SLC44A5: variants seen among roughly 807,000 people sequenced by gnomAD.
SLC44A5 encodes the protein solute carrier family 44 member 5.
SLC44A5 carries 57 observed loss-of-function variants against 101.8 expected under a neutral mutation model. That is an observed-to-expected ratio of 0.56 (90% confidence interval 0.45 to 0.70). The LOEUF is 0.70. Ranked by LOEUF, SLC44A5 falls within the 30% of genes least tolerant of loss-of-function variation. The pLI is 0.00. For synonymous variants in SLC44A5, 281 were observed against 290.9 expected (o/e 0.97, Z 0.35); for missense variants, 737 against 853.1 (o/e 0.86, Z 1.70).
At chr1:75,492,643 T>C (rs1429547793) in intron 2 of SLC44A5, among the ~76,000 whole-genome samples, 1 of 152,078 alleles carries the variant, frequency 6.6e-6, no homozygotes, top group African/African-American at 2.4e-5. Flanking sequence ...TACACATAGA[T>C]AAGACTAAGG....
At chr1:75,263,532 G>A (rs1359399067) in intron 6 of SLC44A5, among the ~76,000 whole-genome samples, 1 of 152,190 alleles carries the variant, frequency 6.6e-6, no homozygotes, top group East Asian at 1.9e-4. Flanking sequence ...ACTGTTGGTA[G>A]GAGTGTAAAT....
chr1:75,326,823 G>C (rs566186266), intron 4 of SLC44A5, among the ~76,000 whole-genome samples: 1 of 151,974 alleles, frequency 6.6e-6, no homozygotes, highest in African/African-American at 2.4e-5. Context: ...TGCAACTTTA[G>C]CTCCAAAATC....
intron 2 of SLC44A5, among the ~76,000 whole-genome samples, chr1:75,506,337 CCTTTTTGGTT>C (rs1339893679): frequency 6.6e-6 from 1 of 152,068 alleles, no homozygotes; most frequent in East Asian, 1.9e-4. Flanking sequence ...TATTCAGGTT[CCTTTTTGGTT>C]CTATGTGAAC....
rs570246786 is a variant in SLC44A5, at chr1:75,371,176, T to A, written c.52+25407A>T. Among the ~76,000 whole-genome samples, 34 of 152,316 alleles carry A rather than the reference T, an allele frequency of 2.2e-4. 1 individual carries two copies. Among genetic ancestry groups the A allele is most frequent in the African/African-American group, 7.9e-4 (33 of 41,570 alleles). Reference sequence around the variant, plus strand: ...GGATGTGTCAATGGGAAATTATACATTCACCCCATTTGCGAAGGCAGGGAA... The same window carrying A: ...GGATGTGTCAATGGGAAATTATACAATCACCCCATTTGCGAAGGCAGGGAA... On this transcript the variant is annotated intron_variant, in intron 3 of 23. Transcript: ENST00000370859.
intron 4 of SLC44A5, among the ~76,000 whole-genome samples, chr1:75,302,781 CTGACAAGCAAGA>C (rs1654597383): frequency 6.6e-6 from 1 of 152,118 alleles, no homozygotes; most frequent in Non-Finnish European, 1.5e-5. Context: ...GACAGTTGAT[CTGACAAGCAAGA>C]TGGCTAGCAA....
At chr1:75,625,437 C>A in the SLC44A5 span, among the ~76,000 whole-genome samples, 4 of 152,036 alleles carry the variant, frequency 2.6e-5, no homozygotes, top group Non-Finnish European at 5.9e-5. Context: ...GTAACAAATG[C>A]CACTAATTCA....
chr1:75,705,046 C>A, the SLC44A5 span, among the ~76,000 whole-genome samples: 1 of 152,268 alleles, frequency 6.6e-6, no homozygotes, highest in Non-Finnish European at 1.5e-5. Flanking sequence ...CTGAGATAAT[C>A]ATATGTCCCC....
At chr1:75,558,439 G>A (rs1336271884) in intron 1 of SLC44A5, among the ~76,000 whole-genome samples, 1 of 152,118 alleles carries the variant, frequency 6.6e-6, no homozygotes, top group Non-Finnish European at 1.5e-5. Context: ...ATTGACAGAC[G>A]TGAGTATTCA....
chr1:75,698,011 G>A, the SLC44A5 span, among the ~76,000 whole-genome samples: 5 of 152,214 alleles, frequency 3.3e-5, no homozygotes, highest in Non-Finnish European at 7.3e-5. Context: ...TATGCCCACG[G>A]AGTCTCACTG....
intron 1 of SLC44A5, among the ~76,000 whole-genome samples, chr1:75,543,670 T>C (rs943350038): frequency 2.0e-5 from 2 of 101,482 alleles, no homozygotes; most frequent in African/African-American, 7.9e-5. Flanking sequence ...CACACATATA[T>C]ACACACATAT....
chr1:75,642,937 T>A, the SLC44A5 span, among the ~76,000 whole-genome samples: 432 of 152,288 alleles, frequency 2.8e-3, 5 homozygotes, highest in African/African-American at 0.01. Context: ...ACTGGACAAA[T>A]TAAATTGGTT....
chr1:75,655,634 C>G, the SLC44A5 span, among the ~76,000 whole-genome samples: 1 of 152,094 alleles, frequency 6.6e-6, no homozygotes, highest in Non-Finnish European at 1.5e-5. Context: ...CTGGGCAATG[C>G]AGCACAGAGA....
intron 2 of SLC44A5, among the ~76,000 whole-genome samples, chr1:75,521,312 G>A (rs1670108489): frequency 6.6e-6 from 1 of 152,142 alleles, no homozygotes; most frequent in African/African-American, 2.4e-5. Flanking sequence ...TGTAACGTCT[G>A]GGACGACATA....
At chr1:75,522,505 C>G (rs949339609) in intron 2 of SLC44A5, among the ~76,000 whole-genome samples, 1 of 151,998 alleles carries the variant, frequency 6.6e-6, no homozygotes, top group African/African-American at 2.4e-5. Context: ...AGAGTCTGCC[C>G]TGCCAGATTC....
chr1:75,624,941 C>T, the SLC44A5 span, among the ~76,000 whole-genome samples: 5 of 152,090 alleles, frequency 3.3e-5, no homozygotes, highest in African/African-American at 1.2e-4. Flanking sequence ...ATAACGTGCA[C>T]CAGTCACTGT....
At chr1:75,434,301 C>T (rs1664770131) in intron 2 of SLC44A5, among the ~76,000 whole-genome samples, 1 of 152,114 alleles carries the variant, frequency 6.6e-6, no homozygotes, top group African/African-American at 2.4e-5. Context: ...TCATACTTTT[C>T]CATTTTCCTT....
chr1:75,513,831 A>C (rs538890152), intron 2 of SLC44A5, among the ~76,000 whole-genome samples: 1 of 152,258 alleles, frequency 6.6e-6, no homozygotes, highest in South Asian at 2.1e-4. Context: ...TATATAAAGG[A>C]CTGCCATATT....
intron 2 of SLC44A5, among the ~76,000 whole-genome samples, chr1:75,514,750 C>T (rs1669736685): frequency 6.6e-6 from 1 of 152,200 alleles, no homozygotes; most frequent in African/African-American, 2.4e-5. Flanking sequence ...AAAAGAACTA[C>T]ACTGATCTAT....
intron 2 of SLC44A5, among the ~76,000 whole-genome samples, chr1:75,480,832 G>A (rs568089931): frequency 6.6e-6 from 1 of 152,220 alleles, no homozygotes; most frequent in East Asian, 1.9e-4. Context: ...TACTGCCCAA[G>A]GTAATATATA....
Sources: allele counts gnomAD v4.1 joint callset (sites outside exome capture counted in the v4.1 genomes callset), GRCh38; gene constraint gnomAD v4.1.1; transcripts MANE v1.5; gene names NCBI Gene and HGNC (gene_info 2026-07-23, HGNC 2026-07-21).